Variants in UNC13C observed in about 807,000 individuals in gnomAD.
UNC13C encodes the protein protein unc-13 homolog C.
In UNC13C, 174 loss-of-function variants were observed where a neutral mutation model predicts 245.4. The observed-to-expected ratio is 0.71, with a 90% confidence interval of 0.63 to 0.80. The LOEUF (loss-of-function observed/expected upper bound fraction) is 0.80. Ranked by LOEUF, UNC13C falls within the 30% of genes least tolerant of loss-of-function variation. The pLI, the probability that UNC13C is intolerant of heterozygous loss-of-function variation, is 0.00. For synonymous variants in UNC13C, 992 were observed against 895.1 expected (o/e 1.11, Z -1.93); for missense variants, 2,829 against 2,602.9 (o/e 1.09, Z -1.89).
At chr15:53,878,330 A>G in the UNC13C span, among the ~76,000 whole-genome samples, 1 of 152,216 alleles carries the variant, frequency 6.6e-6, no homozygotes, top group Non-Finnish European at 1.5e-5. Context: ...ACAGGACTCT[A>G]GAGTTTCTGA....
chr15:54,380,278 T>C (rs1448020669), intron 17 of UNC13C, among the ~76,000 whole-genome samples: 1 of 152,124 alleles, frequency 6.6e-6, no homozygotes, highest in Non-Finnish European at 1.5e-5. Context: ...CATAATGTTC[T>C]CCAAGTTCAT....
chr15:54,554,044 T>A (rs1304512417), intron 28 of UNC13C, among the ~76,000 whole-genome samples: 1 of 151,938 alleles, frequency 6.6e-6, no homozygotes, highest in African/African-American at 2.4e-5. Context: ...TGTATAAATA[T>A]ATATCATGGA....
intron 10 of UNC13C, among the ~76,000 whole-genome samples, chr15:54,292,698 C>T (rs1185588498): frequency 2.0e-5 from 3 of 151,420 alleles, no homozygotes; most frequent in African/African-American, 4.8e-5. Flanking sequence ...TATTGAAACA[C>T]AGTTTTAGTT....
Position 54,162,138 on chromosome 15 carries a change from C to T in UNC13C, c.3071+18454C>T, listed in dbSNP as rs187672010. Reference sequence around the variant, plus strand: ...TCATAAATTCATGTGCATGTGTGTACGTGGCTGATGTCTATTGTTTAGGAT... The same window carrying T: ...TCATAAATTCATGTGCATGTGTGTATGTGGCTGATGTCTATTGTTTAGGAT... On this transcript the variant is annotated intron_variant, in intron 4 of 32. Coordinates refer to ENST00000260323, the MANE Select transcript of UNC13C (RefSeq NM_001080534.3). Among the ~76,000 whole-genome samples, 5 of 152,190 alleles carry T rather than the reference C, an allele frequency of 3.3e-5. No homozygotes were observed. In the East Asian group the frequency reaches 5.8e-4, roughly 18 times the overall value.
intron 2 of UNC13C, among the ~76,000 whole-genome samples, chr15:54,016,977 C>G (rs564532280): frequency 1.3e-5 from 2 of 152,276 alleles, no homozygotes; most frequent in South Asian, 4.1e-4. Flanking sequence ...TCTTCTCTGT[C>G]TTGACCAAAG....
intron 17 of UNC13C, among the ~76,000 whole-genome samples, chr15:54,374,202 G>C (rs1332944188): frequency 6.6e-6 from 1 of 152,150 alleles, no homozygotes; most frequent in Non-Finnish European, 1.5e-5. Context: ...CCCAGAAAAA[G>C]CACCATAAGT....
At chr15:54,295,887 G>C (rs1455901572) in intron 11 of UNC13C, among the ~76,000 whole-genome samples, 1 of 152,130 alleles carries the variant, frequency 6.6e-6, no homozygotes, top group Non-Finnish European at 1.5e-5. Context: ...TAACCTTTGA[G>C]AGTGTGTACA....
intron 2 of UNC13C, among the ~76,000 whole-genome samples, chr15:54,038,461 T>C (rs1195839192): frequency 6.6e-6 from 1 of 152,056 alleles, no homozygotes; most frequent in Admixed American, 6.6e-5. Flanking sequence ...CTGTTTTAAA[T>C]ATAGGAGATG....
intron 4 of UNC13C, among the ~76,000 whole-genome samples, chr15:54,173,541 T>A (rs1595946906): frequency 6.6e-6 from 1 of 152,080 alleles, no homozygotes; most frequent in Non-Finnish European, 1.5e-5. Context: ...TAAGGAGAGA[T>A]TAAATTTATT....
At chr15:54,584,916 AATC>A (rs552062262) in intron 30 of UNC13C, among the ~76,000 whole-genome samples, 105 of 152,360 alleles carry the variant, frequency 6.9e-4, no homozygotes, top group South Asian at 1.0e-3. Context: ...ATTTTCCACT[AATC>A]AGCCCACTAA....
intron 11 of UNC13C, among the ~76,000 whole-genome samples, chr15:54,294,716 C>T (rs2037385561): frequency 6.6e-6 from 1 of 152,098 alleles, no homozygotes. Context: ...ACCTCAGTTT[C>T]TGCAAAGGCA....
At chr15:54,385,824 A>T (rs2039826102) in intron 17 of UNC13C, among the ~76,000 whole-genome samples, 1 of 152,112 alleles carries the variant, frequency 6.6e-6, no homozygotes, top group South Asian at 2.1e-4. Context: ...TGTACCCCAT[A>T]AATTTGTAAA....
chr15:54,468,249 T>C (rs577849452), intron 19 of UNC13C, among the ~76,000 whole-genome samples: 73 of 151,848 alleles, frequency 4.8e-4, no homozygotes, highest in Non-Finnish European at 9.6e-4. Flanking sequence ...TTTCTATATA[T>C]TCTTGTGAGA....
At chr15:54,203,248 C>G (rs572319136) in intron 4 of UNC13C, among the ~76,000 whole-genome samples, 1 of 151,828 alleles carries the variant, frequency 6.6e-6, no homozygotes, top group East Asian at 1.9e-4. Flanking sequence ...ACTAGTACAA[C>G]CACTATGGAA....
intron 30 of UNC13C, among the ~76,000 whole-genome samples, chr15:54,591,875 C>T (rs768257136): frequency 3.3e-5 from 5 of 151,840 alleles, no homozygotes; most frequent in Non-Finnish European, 7.4e-5. Context: ...TTCCTTGATG[C>T]CTGACCTTAG....
At chr15:53,945,242 G>C in the UNC13C span, among the ~76,000 whole-genome samples, 1 of 152,130 alleles carries the variant, frequency 6.6e-6, no homozygotes, top group Non-Finnish European at 1.5e-5. Flanking sequence ...AAGCTCTTTA[G>C]TTCAATTAGA....
chr15:54,597,418 T>C (rs1229330331), intron 30 of UNC13C, among the ~76,000 whole-genome samples: 3 of 152,174 alleles, frequency 2.0e-5, no homozygotes, highest in Non-Finnish European at 2.9e-5. Flanking sequence ...CCACCGAACC[T>C]ACAGGCCAAA....
At chr15:54,152,968 G>T (rs911178886) in intron 4 of UNC13C, among the ~76,000 whole-genome samples, 1 of 152,106 alleles carries the variant, frequency 6.6e-6, no homozygotes, top group Non-Finnish European at 1.5e-5. Flanking sequence ...CATGAAGGTA[G>T]ATGACATAGA....
the UNC13C span, among the ~76,000 whole-genome samples, chr15:53,908,550 G>A: frequency 2.1e-5 from 3 of 144,424 alleles, 1 homozygote; most frequent in Admixed American, 1.4e-4. Context: ...ACCAGCCTGG[G>A]CAACATGGAA....
Sources: allele counts gnomAD v4.1 joint callset (sites outside exome capture counted in the v4.1 genomes callset), GRCh38; gene constraint gnomAD v4.1.1; transcripts MANE v1.5; gene names NCBI Gene and HGNC (gene_info 2026-07-23, HGNC 2026-07-21).